KDM4C: variants seen among roughly 807,000 people sequenced by gnomAD.
The protein encoded by KDM4C is lysine-specific demethylase 4C.
In KDM4C, 81 loss-of-function variants were observed where a neutral mutation model predicts 129.3. That is an observed-to-expected ratio of 0.63 (90% CI 0.52 to 0.75). The LOEUF (loss-of-function observed/expected upper bound fraction) is 0.75. Among genes scored for constraint, KDM4C ranks in the 30% least tolerant of loss-of-function variants. The probability of loss-of-function intolerance (pLI) is 0.00; values close to 1 mark genes in which losing one functional copy is unlikely to be tolerated. For synonymous variants in KDM4C, 573 were observed against 456.1 expected (o/e 1.26, Z -3.26); for missense variants, 1,457 against 1,304.0 (o/e 1.12, Z -1.81).
intron 5 of KDM4C, among the ~76,000 whole-genome samples, chr9:6,850,577 C>T (rs1044121164): frequency 6.6e-6 from 1 of 151,628 alleles, no homozygotes; most frequent in African/African-American, 2.4e-5. Flanking sequence ...ACCCAAGTAT[C>T]TGGGATTAGA....
chr9:6,884,887 A>T (rs1268324349), intron 6 of KDM4C, among the ~76,000 whole-genome samples: 2 of 152,270 alleles, frequency 1.3e-5, no homozygotes, highest in South Asian at 4.1e-4. Context: ...ACTATAAACC[A>T]GTTGACAGTA....
At chr9:6,801,239 A>ATTTTTTTTT (rs59151680) in intron 2 of KDM4C, among the ~76,000 whole-genome samples, 2 of 65,716 alleles carry the variant, frequency 3.0e-5, no homozygotes, top group Non-Finnish European at 5.3e-5. Context: ...GAGTAGGGAA[A>ATTTTTTTTT]TTTTTTTTTT....
intron 1 of KDM4C, among the ~76,000 whole-genome samples, chr9:6,786,370 C>G (rs1012095118): frequency 6.6e-6 from 1 of 152,072 alleles, no homozygotes; most frequent in Non-Finnish European, 1.5e-5. Flanking sequence ...AGGTCTTTAG[C>G]TTATTAAAAA....
chr9:7,172,810 C>T (rs1355076809), intron 21 of KDM4C, among the ~76,000 whole-genome samples: 1 of 152,178 alleles, frequency 6.6e-6, no homozygotes, highest in Non-Finnish European at 1.5e-5. Flanking sequence ...TGTCTTTCAC[C>T]TCTGCCTCTG....
chr9:7,127,438 G>A (rs932221598), intron 18 of KDM4C, among the ~76,000 whole-genome samples: 3 of 152,130 alleles, frequency 2.0e-5, no homozygotes, highest in South Asian at 2.1e-4. Context: ...GGCCAAAAAT[G>A]TATAACCTGA....
At chr9:6,808,631 A>G (rs1767214368) in intron 3 of KDM4C, among the ~76,000 whole-genome samples, 2 of 141,940 alleles carry the variant, frequency 1.4e-5, no homozygotes, top group South Asian at 4.6e-4. Context: ...CCTTCCCTCC[A>G]CTATTGTCCC....
intron 17 of KDM4C, among the ~76,000 whole-genome samples, chr9:7,072,474 A>G (rs1367002055): frequency 6.6e-6 from 1 of 152,248 alleles, no homozygotes; most frequent in Admixed American, 6.5e-5. Flanking sequence ...TTCATCAACC[A>G]TGGATGAATC....
chr9:6,807,684 G>A (rs1194598527), intron 3 of KDM4C, among the ~76,000 whole-genome samples: 3 of 147,864 alleles, frequency 2.0e-5, no homozygotes, highest in Admixed American at 6.6e-5. Flanking sequence ...CCATCCGCCC[G>A]GCAGCTGCCC....
chr9:6,988,919 T>A (rs1160092608), intron 11 of KDM4C, among the ~76,000 whole-genome samples: 2 of 152,208 alleles, frequency 1.3e-5, no homozygotes, highest in Non-Finnish European at 2.9e-5. Flanking sequence ...CTTCTTTATT[T>A]TCCTTCGTTA....
intron 8 of KDM4C, among the ~76,000 whole-genome samples, chr9:6,949,687 C>T (rs1019746835): frequency 2.6e-5 from 4 of 152,168 alleles, no homozygotes; most frequent in Non-Finnish European, 4.4e-5. Flanking sequence ...AAAAAAAATA[C>T]GAAAACCAGT....
At position 7,051,490 on chromosome 9, in the gene KDM4C, G is replaced by A. The variant is rs1241899070; in HGVS notation, c.2424+2290G>A. Reference sequence around the variant, plus strand: ...GAATAGGATGCTCTGCCTGTATGTCGTGTTAAGGGTACACTTTCCTGACAT... The same window carrying A: ...GAATAGGATGCTCTGCCTGTATGTCATGTTAAGGGTACACTTTCCTGACAT... On this transcript the variant is annotated intron_variant, in intron 17 of 21. Transcript: ENST00000381309. Among the ~76,000 whole-genome samples the A allele has an allele frequency of 4.6e-5, 7 of 152,244 alleles. No individual in the cohort carries two copies. The South Asian group carries it at 1.0e-3, about 23-fold the overall frequency.
intron 8 of KDM4C, among the ~76,000 whole-genome samples, chr9:6,940,025 CCTTCCTTCTTTCCT>C (rs1323091403): frequency 1.2e-3 from 160 of 135,116 alleles, no homozygotes; most frequent in African/African-American, 4.4e-3. Context: ...TTCCTTCCTT[CCTTCCTTCTTTCCT>C]TCCTTCCCTC....
intron 8 of KDM4C, among the ~76,000 whole-genome samples, chr9:6,948,445 T>C (rs960738093): frequency 6.6e-6 from 1 of 150,568 alleles, no homozygotes. Flanking sequence ...GGTGATGATA[T>C]GACACTTTCC....
At chr9:7,120,495 G>A (rs1839376118) in intron 18 of KDM4C, among the ~76,000 whole-genome samples, 1 of 152,064 alleles carries the variant, frequency 6.6e-6, no homozygotes, top group Non-Finnish European at 1.5e-5. Flanking sequence ...CCTTAGAGGT[G>A]GCTTAGTATG....
intron 2 of KDM4C, among the ~76,000 whole-genome samples, chr9:6,797,136 C>T (rs750030180): frequency 6.6e-6 from 1 of 151,922 alleles, no homozygotes; most frequent in East Asian, 1.9e-4. Context: ...GGACTACCCA[C>T]GCCTGGGTAA....
intron 5 of KDM4C, among the ~76,000 whole-genome samples, chr9:6,870,227 G>C (rs534534055): frequency 2.0e-5 from 3 of 152,210 alleles, no homozygotes; most frequent in East Asian, 3.9e-4. Flanking sequence ...TGTATCTGCG[G>C]TTTATTTAAA....
intron 1 of KDM4C, among the ~76,000 whole-genome samples, chr9:6,776,460 C>A (rs1485234643): frequency 1.3e-5 from 2 of 151,960 alleles, no homozygotes; most frequent in Non-Finnish European, 2.9e-5. Context: ...ACAGAGTTTC[C>A]ACCATGTTGG....
At chr9:6,763,958 C>T (rs374130431) in intron 1 of KDM4C, among the ~76,000 whole-genome samples, 8 of 152,258 alleles carry the variant, frequency 5.3e-5, no homozygotes, top group East Asian at 3.9e-4. Context: ...AGGGTTTCTC[C>T]GTGTTGGTTA....
intron 5 of KDM4C, among the ~76,000 whole-genome samples, chr9:6,875,080 A>G (rs953206524): frequency 1.2e-4 from 18 of 152,320 alleles, no homozygotes; most frequent in African/African-American, 4.3e-4. Flanking sequence ...GTTTGCTGAC[A>G]TAGCCTTCCT....
Sources: allele counts gnomAD v4.1 joint callset (sites outside exome capture counted in the v4.1 genomes callset), GRCh38; gene constraint gnomAD v4.1.1; transcripts MANE v1.5; gene names NCBI Gene and HGNC (gene_info 2026-07-23, HGNC 2026-07-21).